Variants in CDH12 observed in about 807,000 individuals in gnomAD.
The protein encoded by CDH12 is cadherin 12, also known as cadherin-12.
Under a neutral mutation model 74.1 loss-of-function variants are expected in CDH12, and 41 were observed. The observed-to-expected ratio is 0.55, with a 90% confidence interval of 0.43 to 0.72. The LOEUF is 0.72. Ranked by LOEUF, CDH12 falls within the 30% of genes least tolerant of loss-of-function variation. The pLI is 0.00. For synonymous variants in CDH12, 399 were observed against 355.0 expected, an observed-to-expected ratio of 1.12 and a Z score of -1.39; for missense variants, 945 against 977.2, an observed-to-expected ratio of 0.97 and a Z score of 0.44.
At chr5:22,313,128 G>A (rs138393992) in intron 3 of CDH12, among the ~76,000 whole-genome samples, 1 of 152,220 alleles carries the variant, frequency 6.6e-6, no homozygotes, top group Non-Finnish European at 1.5e-5. Context: ...TACTCCCCTT[G>A]GTGGAGAAGG....
intron 5 of CDH12, among the ~76,000 whole-genome samples, chr5:22,049,751 G>A (rs1363341265): frequency 6.6e-6 from 1 of 152,034 alleles, no homozygotes; most frequent in Non-Finnish European, 1.5e-5. Context: ...AGGATATCAT[G>A]GCTATTTCTT....
chr5:21,893,495 G>A (rs1752984514), intron 6 of CDH12, among the ~76,000 whole-genome samples: 2 of 152,238 alleles, frequency 1.3e-5, no homozygotes, highest in South Asian at 4.1e-4. Context: ...GCTAAATAGT[G>A]CAGCTTACAT....
At chr5:22,443,778 T>C (rs1157738654) in intron 2 of CDH12, among the ~76,000 whole-genome samples, 6 of 152,120 alleles carry the variant, frequency 3.9e-5, no homozygotes, top group East Asian at 1.9e-4. Context: ...TATTCCAAAT[T>C]CTTTTTTGGT....
At chr5:22,399,170 C>CT (rs547597675) in intron 3 of CDH12, among the ~76,000 whole-genome samples, 158 of 150,942 alleles carry the variant, frequency 1.0e-3, no homozygotes, top group African/African-American at 3.7e-3. Context: ...ATCTATTTAT[C>CT]TTACTATATA....
chr5:22,773,493 C>G (rs1746922119), intron 1 of CDH12, among the ~76,000 whole-genome samples: 1 of 152,156 alleles, frequency 6.6e-6, no homozygotes, highest in East Asian at 1.9e-4. Flanking sequence ...TATATAATAA[C>G]TAACTCAAGA....
intron 5 of CDH12, among the ~76,000 whole-genome samples, chr5:22,028,590 C>G (rs1266092546): frequency 6.6e-6 from 1 of 152,076 alleles, no homozygotes; most frequent in African/African-American, 2.4e-5. Context: ...AACTACAAAC[C>G]ACTGCTCAAT....
intron 3 of CDH12, among the ~76,000 whole-genome samples, chr5:22,366,706 A>G (rs755731157): frequency 2.6e-5 from 4 of 152,222 alleles, no homozygotes; most frequent in Non-Finnish European, 4.4e-5. Flanking sequence ...TAAATAGTGG[A>G]ATAAATAAAA....
At chr5:22,383,613 T>C (rs1741862559) in intron 3 of CDH12, among the ~76,000 whole-genome samples, 1 of 152,184 alleles carries the variant, frequency 6.6e-6, no homozygotes, top group South Asian at 2.1e-4. Context: ...CCTTTCTTAC[T>C]GGGCATTGCT....
intron 1 of CDH12, among the ~76,000 whole-genome samples, chr5:22,523,484 C>T (rs999681880): frequency 2.6e-5 from 4 of 152,304 alleles, no homozygotes; most frequent in Non-Finnish European, 4.4e-5. Flanking sequence ...TTCAAAGTAT[C>T]TTGAACTATT....
At chr5:22,615,380 C>A (rs1580818623) in intron 1 of CDH12, among the ~76,000 whole-genome samples, 2 of 151,954 alleles carry the variant, frequency 1.3e-5, no homozygotes, top group African/African-American at 4.8e-5. Flanking sequence ...CTATGTGGTA[C>A]TAAATTGTTA....
intron 6 of CDH12, among the ~76,000 whole-genome samples, chr5:21,927,427 T>TA (rs60889470): frequency 0.72 from 107,696 of 148,838 alleles, 41,252 homozygotes; most frequent in East Asian, 0.93. Context: ...CTACTAAAAA[T>TA]AAAAAAAAAA....
intron 1 of CDH12, among the ~76,000 whole-genome samples, chr5:22,730,181 AAAC>A (rs1744362053): frequency 1.3e-5 from 2 of 151,840 alleles, no homozygotes; most frequent in East Asian, 1.9e-4. Flanking sequence ...AATAAAATGA[AAAC>A]AACAACAACG....
intron 3 of CDH12, among the ~76,000 whole-genome samples, chr5:22,355,603 C>T (rs990753662): frequency 6.6e-6 from 1 of 151,690 alleles, no homozygotes; most frequent in Non-Finnish European, 1.5e-5. Flanking sequence ...AAGAACCTGG[C>T]TTTCCTATGT....
At chr5:21,910,262 A>G (rs1485106812) in intron 6 of CDH12, among the ~76,000 whole-genome samples, 1 of 152,032 alleles carries the variant, frequency 6.6e-6, no homozygotes, top group African/African-American at 2.4e-5. Context: ...GACTTTATTG[A>G]CTCACATAAC....
chr5:22,009,444 ATCCT>A (rs1325977603), intron 5 of CDH12, among the ~76,000 whole-genome samples: 4 of 152,108 alleles, frequency 2.6e-5, no homozygotes, highest in Non-Finnish European at 2.9e-5. Context: ...CTTCCCATTG[ATCCT>A]TCACAGAAAT....
rs537531423 is a variant in CDH12 at position 21,864,606 on chromosome 5, C to T, written c.527-9816G>A. Among the ~76,000 whole-genome samples, 139 of 152,216 alleles carry T rather than the reference C, an allele frequency of 9.1e-4. 1 individual carries two copies. Among genetic ancestry groups the T allele is most frequent in the Non-Finnish European group, 1.6e-3 (108 of 68,002 alleles). On this transcript the variant is annotated intron_variant, in intron 6 of 14. Transcript: ENST00000382254. ...AGTCTTAGGTATTCTATTACAGGAG[C>T]ACAAAACAGACTAATTGGTCAGAAA...
At chr5:22,750,026 G>A (rs1445733641) in intron 1 of CDH12, among the ~76,000 whole-genome samples, 1 of 152,072 alleles carries the variant, frequency 6.6e-6, no homozygotes, top group African/African-American at 2.4e-5. Flanking sequence ...TATGGCTCTG[G>A]TAAGACATCA....
chr5:22,843,991 G>A (rs1305579313), intron 1 of CDH12, among the ~76,000 whole-genome samples: 1 of 151,966 alleles, frequency 6.6e-6, no homozygotes, highest in Admixed American at 6.6e-5. Context: ...GGAAACAGGG[G>A]CAACTGAGAA....
At chr5:21,761,989 C>T (rs1309984478) in intron 12 of CDH12, among the ~76,000 whole-genome samples, 1 of 152,110 alleles carries the variant, frequency 6.6e-6, no homozygotes, top group Non-Finnish European at 1.5e-5. Context: ...GCAACTTAGT[C>T]AATGAATCAA....
Sources: allele counts gnomAD v4.1 joint callset (sites outside exome capture counted in the v4.1 genomes callset), GRCh38; gene constraint gnomAD v4.1.1; transcripts MANE v1.5; gene names NCBI Gene and HGNC (gene_info 2026-07-23, HGNC 2026-07-21).